ENOX1: variants seen among roughly 807,000 people sequenced by gnomAD.
ENOX1 encodes candidate growth-related and time keeping constitutive hydroquinone (NADH) oxidase.
In ENOX1, 42 loss-of-function variants were observed where a neutral mutation model predicts 82.5. That is an observed-to-expected ratio of 0.51 (90% CI 0.40 to 0.66). ENOX1 has a LOEUF of 0.66. ENOX1 is among the 30% of genes least tolerant of loss of function. The pLI is 0.00. For missense variants in ENOX1, 608 were observed against 811.6 expected (o/e 0.75, Z 3.05); for synonymous variants, 271 against 282.2 (o/e 0.96, Z 0.40).
chr13:43,423,084 T>C (rs1422025741), intron 3 of ENOX1, among the ~76,000 whole-genome samples: 4 of 152,180 alleles, frequency 2.6e-5, no homozygotes, highest in African/African-American at 9.7e-5. Context: ...TTAAAGTCTT[T>C]GTATAGGCAG....
chr13:43,581,142 T>A, intron 2 of ENOX1, among the ~76,000 whole-genome samples: 1 of 136,896 alleles, frequency 7.3e-6, no homozygotes, highest in Non-Finnish European at 1.6e-5. Flanking sequence ...TTTTTTTTTT[T>A]TTTTTTTTGA....
chr13:43,216,776 C>T (rs1257617162), intron 16 of ENOX1, among the ~76,000 whole-genome samples: 1 of 152,088 alleles, frequency 6.6e-6, no homozygotes, highest in Middle Eastern at 3.2e-3. Flanking sequence ...TTGTGCCATT[C>T]ATTAGGGAGG....
Position 43,601,513 on chromosome 13 carries a change from G to A in ENOX1, c.-219+65966C>T, listed in dbSNP as rs186691825. 3.0e-4 allele frequency among the ~76,000 whole-genome samples: 45 copies of A among 151,966 alleles called. No homozygotes were observed. The East Asian group carries it at 8.0e-3, about 27-fold the overall frequency. On this transcript the variant is annotated intron_variant, in intron 2 of 16. Transcript: ENST00000690772. ...AAAGGAGACAAAAGAAAAAAGAATC[G>A]AAAAGAATGAAGCATGCCTACAAGG...
chr13:43,526,960 T>G (rs2078014342), intron 2 of ENOX1, among the ~76,000 whole-genome samples: 1 of 152,018 alleles, frequency 6.6e-6, no homozygotes, highest in South Asian at 2.1e-4. Context: ...AGACACAGCA[T>G]TCCTCCCCTC....
chr13:43,445,965 C>A (rs993980676), intron 3 of ENOX1, among the ~76,000 whole-genome samples: 2 of 152,122 alleles, frequency 1.3e-5, no homozygotes, highest in African/African-American at 4.8e-5. Flanking sequence ...AAAGCTCCCA[C>A]GAGGAAAACA....
intron 3 of ENOX1, among the ~76,000 whole-genome samples, chr13:43,460,126 T>A (rs9533496): frequency 0.48 from 72,982 of 152,106 alleles, 18,015 homozygotes; most frequent in African/African-American, 0.53. Context: ...ATGCCTTCTT[T>A]TGTTACAAAA....
intron 1 of ENOX1, among the ~76,000 whole-genome samples, chr13:43,669,192 T>A (rs1422578083): frequency 2.0e-5 from 3 of 152,134 alleles, no homozygotes; most frequent in Non-Finnish European, 2.9e-5. Flanking sequence ...ATAAAGAGAA[T>A]CACATTAAAG....
intron 11 of ENOX1, among the ~76,000 whole-genome samples, chr13:43,310,670 C>T (rs1216247231): frequency 6.6e-6 from 1 of 151,696 alleles, no homozygotes; most frequent in Non-Finnish European, 1.5e-5. Flanking sequence ...TTTCCTATTT[C>T]AAAGTCCAAG....
At chr13:43,552,774 G>A (rs767448764) in intron 2 of ENOX1, among the ~76,000 whole-genome samples, 7 of 152,136 alleles carry the variant, frequency 4.6e-5, no homozygotes, top group Non-Finnish European at 1.0e-4. Flanking sequence ...AATACATGAA[G>A]GTAAGACTAG....
intron 2 of ENOX1, among the ~76,000 whole-genome samples, chr13:43,555,589 C>T (rs948955833): frequency 2.0e-5 from 3 of 152,178 alleles, no homozygotes; most frequent in African/African-American, 7.2e-5. Context: ...CAATATCTCT[C>T]CTAGTACCTT....
chr13:43,522,712 G>A (rs1411809141), intron 2 of ENOX1, among the ~76,000 whole-genome samples: 2 of 152,070 alleles, frequency 1.3e-5, no homozygotes, highest in Admixed American at 6.6e-5. Context: ...GTGCTTTAGT[G>A]CACTGGTACC....
chr13:43,245,742 G>A (rs1417990796), intron 14 of ENOX1, among the ~76,000 whole-genome samples: 1 of 152,206 alleles, frequency 6.6e-6, no homozygotes, highest in Non-Finnish European at 1.5e-5. Context: ...AGGCCCAATA[G>A]TTTTCAGCAT....
intron 3 of ENOX1, among the ~76,000 whole-genome samples, chr13:43,468,385 G>A (rs1362292923): frequency 6.6e-6 from 1 of 151,894 alleles, no homozygotes; most frequent in African/African-American, 2.4e-5. Flanking sequence ...GTTTCACCAT[G>A]CTGGCCAGCA....
intron 1 of ENOX1, among the ~76,000 whole-genome samples, chr13:43,776,798 G>A (rs1951942391): frequency 6.6e-6 from 1 of 151,378 alleles, no homozygotes; most frequent in African/African-American, 2.4e-5. Flanking sequence ...AATTCCCATT[G>A]CCAGGGATGC....
chr13:43,307,932 CTGTGGGAGAGGAGGCCCCTCCCAT>C (rs766270750), intron 11 of ENOX1, among the ~76,000 whole-genome samples: 4 of 152,244 alleles, frequency 2.6e-5, no homozygotes, highest in Non-Finnish European at 5.9e-5. Context: ...AGCCTTTTCA[CTGTGGGAGAGGAGGCCCCTCCCAT>C]GTACACATGC....
chr13:43,513,000 G>A (rs2077427790), intron 2 of ENOX1, among the ~76,000 whole-genome samples: 1 of 152,092 alleles, frequency 6.6e-6, no homozygotes, highest in South Asian at 2.1e-4. Flanking sequence ...AAGGGTCACA[G>A]TTAAAGGAAT....
chr13:43,395,785 G>A (rs575517146), intron 5 of ENOX1, among the ~76,000 whole-genome samples: 5 of 152,278 alleles, frequency 3.3e-5, no homozygotes, highest in South Asian at 4.1e-4. Flanking sequence ...AGAATACTTC[G>A]TTTACTCATT....
intron 5 of ENOX1, among the ~76,000 whole-genome samples, chr13:43,377,128 A>G (rs912952915): frequency 1.3e-5 from 2 of 152,210 alleles, no homozygotes; most frequent in Non-Finnish European, 2.9e-5. Context: ...AAAGGTGACT[A>G]GGCTATGAGG....
intron 2 of ENOX1, among the ~76,000 whole-genome samples, chr13:43,639,722 C>T (rs2083555627): frequency 6.6e-6 from 1 of 152,122 alleles, no homozygotes; most frequent in Non-Finnish European, 1.5e-5. Context: ...TTTTTCAATG[C>T]TATTTTAACA....
Sources: gnomAD v4.1 joint callset for allele counts (sites outside exome capture counted in the v4.1 genomes callset) on GRCh38, gnomAD v4.1.1 for gene constraint, MANE v1.5 for transcripts, NCBI Gene and HGNC (gene_info 2026-07-23, HGNC 2026-07-21) for gene names.